RSPO2: variants seen among roughly 807,000 people sequenced by gnomAD.
RSPO2 encodes R-spondin 2.
RSPO2 carries 14 observed loss-of-function variants against 30.9 expected under a neutral mutation model. That is an observed-to-expected ratio of 0.45 (90% confidence interval 0.30 to 0.71). The LOEUF (loss-of-function observed/expected upper bound fraction) is 0.71, where lower values mean the gene tolerates loss of function less well. Among genes scored for constraint, RSPO2 ranks in the 30% least tolerant of loss-of-function variants. RSPO2 has a pLI of 0.08. For missense variants in RSPO2, 264 were observed against 301.9 expected (o/e 0.87, Z 0.93); for synonymous variants, 107 against 96.4 (o/e 1.11, Z -0.64).
intron 2 of RSPO2, chr8:107,996,794 T>C (rs1363999001): frequency 1.5e-5 from 5 of 342,222 alleles, no homozygotes; most frequent in Non-Finnish European, 2.9e-5. Flanking sequence ...ACCACAAAGA[T>C]CTCAGAGTCA....
At chr8:107,904,864 G>C (rs1347532169) in intron 5 of RSPO2, among the ~76,000 whole-genome samples, 1 of 152,050 alleles carries the variant, frequency 6.6e-6, no homozygotes, top group East Asian at 1.9e-4. Flanking sequence ...AAATTAGAAA[G>C]ATACTATCAA....
intron 5 of RSPO2, among the ~76,000 whole-genome samples, chr8:107,905,603 G>A (rs1811611667): frequency 6.6e-6 from 1 of 152,000 alleles, no homozygotes; most frequent in Non-Finnish European, 1.5e-5. Flanking sequence ...ACCTCAGAGA[G>A]ATTCAGTCAT....
chr8:107,949,178 C>A (rs117975913), intron 5 of RSPO2, among the ~76,000 whole-genome samples: 188 of 152,158 alleles, frequency 1.2e-3, no homozygotes, highest in Non-Finnish European at 1.9e-3. Context: ...CCCCCAAGTC[C>A]CCAAAGTTCA....
chr8:107,923,950 G>A (rs183054122), intron 5 of RSPO2, among the ~76,000 whole-genome samples: 5 of 152,136 alleles, frequency 3.3e-5, no homozygotes, highest in Admixed American at 2.0e-4. Context: ...GGGGTTGAGA[G>A]TAGAAAGAGG....
chr8:107,921,277 TACACACACAC>T (rs71308759), intron 5 of RSPO2, among the ~76,000 whole-genome samples: 1,874 of 148,830 alleles, frequency 0.013, 30 homozygotes, highest in African/African-American at 0.038. Flanking sequence ...TAGCAGATTT[TACACACACAC>T]ACACACACAC....
At chr8:107,908,897 C>G (rs967829975) in intron 5 of RSPO2, among the ~76,000 whole-genome samples, 1 of 152,152 alleles carries the variant, frequency 6.6e-6, no homozygotes, top group African/African-American at 2.4e-5. Flanking sequence ...AGGTTCTTAT[C>G]TTGGATTCCT....
At chr8:107,914,130 A>G (rs909876322) in intron 5 of RSPO2, among the ~76,000 whole-genome samples, 2 of 152,144 alleles carry the variant, frequency 1.3e-5, no homozygotes, top group Non-Finnish European at 2.9e-5. Context: ...TTGACATATA[A>G]AGAGTATCAG....
intron 5 of RSPO2, among the ~76,000 whole-genome samples, chr8:107,940,090 C>T (rs560112389): frequency 6.6e-6 from 1 of 152,200 alleles, no homozygotes; most frequent in Non-Finnish European, 1.5e-5. Flanking sequence ...CAACCAACAA[C>T]TTGAAGAAAG....
At chr8:107,919,650 C>A (rs1812089676) in intron 5 of RSPO2, among the ~76,000 whole-genome samples, 1 of 152,066 alleles carries the variant, frequency 6.6e-6, no homozygotes, top group African/African-American at 2.4e-5. Context: ...GTGGCCCCCA[C>A]CCAGGAACTG....
intron 2 of RSPO2, among the ~76,000 whole-genome samples, chr8:108,066,960 C>G (rs904742386): frequency 2.6e-5 from 4 of 151,912 alleles, no homozygotes; most frequent in African/African-American, 9.7e-5. Context: ...AGTGTTCCAG[C>G]CAAAAAAGTT....
chr8:107,915,892 G>A (rs1811967338), intron 5 of RSPO2, among the ~76,000 whole-genome samples: 1 of 152,108 alleles, frequency 6.6e-6, no homozygotes, highest in Non-Finnish European at 1.5e-5. Flanking sequence ...AGAAAAGGGT[G>A]GGTTTGTCTT....
intron 2 of RSPO2, among the ~76,000 whole-genome samples, chr8:108,073,250 C>T (rs1812913023): frequency 6.6e-6 from 1 of 152,208 alleles, no homozygotes; most frequent in Non-Finnish European, 1.5e-5. Flanking sequence ...GAGCAGGTTT[C>T]GCCCCTGAAC....
intron 5 of RSPO2, among the ~76,000 whole-genome samples, chr8:107,917,312 C>T (rs553667081): frequency 6.6e-6 from 1 of 152,126 alleles, no homozygotes; most frequent in Admixed American, 6.5e-5. Context: ...TGGTGAAACC[C>T]CATCTCTACT....
At chr8:108,023,149 C>T (rs1811107387) in intron 2 of RSPO2, among the ~76,000 whole-genome samples, 1 of 152,146 alleles carries the variant, frequency 6.6e-6, no homozygotes, top group African/African-American at 2.4e-5. Flanking sequence ...ATCAAGTTTT[C>T]AAATTAAACT....
intron 5 of RSPO2, among the ~76,000 whole-genome samples, chr8:107,953,801 A>C (rs1358035296): frequency 6.6e-6 from 1 of 152,140 alleles, no homozygotes; most frequent in Admixed American, 6.6e-5. Flanking sequence ...TCCAAAAAAA[A>C]TTTCCCTTAA....
chr8:107,956,741 T>G (rs1813446831), intron 5 of RSPO2, among the ~76,000 whole-genome samples: 1 of 152,228 alleles, frequency 6.6e-6, no homozygotes, highest in African/African-American at 2.4e-5. Context: ...GCTAGTTATG[T>G]AAACAATATA....
chr8:107,964,320 G>A (rs1813726695), intron 3 of RSPO2, among the ~76,000 whole-genome samples: 1 of 152,212 alleles, frequency 6.6e-6, no homozygotes, highest in Non-Finnish European at 1.5e-5. Flanking sequence ...TCGGCTCACT[G>A]CGACCTCTGC....
chr8:108,057,745 G>C (rs1027475369), intron 2 of RSPO2, among the ~76,000 whole-genome samples: 20 of 152,100 alleles, frequency 1.3e-4, no homozygotes, highest in Admixed American at 6.6e-4. Flanking sequence ...TGTATTCCTA[G>C]TTCTATTCCC....
chr8:107,960,552 A>G lies in RSPO2; in HGVS notation c.427+122T>C, dbSNP rs1813593641. 5.5e-6 allele frequency: 5 copies of G among 902,932 alleles called. No homozygotes were observed. In the South Asian group the frequency reaches 8.0e-5, roughly 14 times the overall value. The allele number at this position is 902,932 out of a possible 1,614,324, so 55.9% of individuals were successfully genotyped here. A position where few individuals can be genotyped will look rare whatever the true frequency, so the allele number is the denominator to read the frequency against. ...AAAATCAGCAAAGAACTTAATTTTC[A>G]GTTCTACTGAACAAGAGAACCAATT... On this transcript the variant is annotated intron_variant, in intron 4 of 5. Transcript: ENST00000276659.
Sources: gnomAD v4.1 joint callset for allele counts (sites outside exome capture counted in the v4.1 genomes callset) on GRCh38, gnomAD v4.1.1 for gene constraint, MANE v1.5 for transcripts, NCBI Gene and HGNC (gene_info 2026-07-23, HGNC 2026-07-21) for gene names.